Variants in MYO1B observed in about 807,000 individuals in gnomAD.
MYO1B encodes unconventional myosin-Ib.
MYO1B carries 72 observed loss-of-function variants against 159.7 expected under a neutral mutation model. That is an observed-to-expected ratio of 0.45 (90% CI 0.37 to 0.55). The LOEUF is 0.55. Ranked by LOEUF, MYO1B falls within the 20% of genes least tolerant of loss-of-function variation. The pLI is 0.00. For synonymous variants in MYO1B, 468 were observed against 473.8 expected (o/e 0.99, Z 0.16); for missense variants, 1,062 against 1,364.8 (o/e 0.78, Z 3.50).
intron 1 of MYO1B, among the ~76,000 whole-genome samples, chr2:191,269,367 T>A (rs1399186972): frequency 6.6e-6 from 1 of 152,252 alleles, no homozygotes; most frequent in Non-Finnish European, 1.5e-5. Context: ...CCATTTTGTG[T>A]ATGTACCATA....
chr2:191,421,843 C>A (rs181473527), intron 30 of MYO1B, among the ~76,000 whole-genome samples: 1 of 152,266 alleles, frequency 6.6e-6, no homozygotes, highest in East Asian at 1.9e-4. Flanking sequence ...TTTCAATAAA[C>A]CTGAAAGATT....
At chr2:191,259,551 G>A (rs4853566) in intron 1 of MYO1B, among the ~76,000 whole-genome samples, 151,831 of 152,346 alleles carry the variant, frequency 1, 75,660 homozygotes, top group Non-Finnish European at 1. Context: ...ATTTTCTGCA[G>A]CATCCCTTTA....
In MYO1B at chr2:191,424,485, T is replaced by C. The variant is rs1698123039; in HGVS notation, c.*525T>C. On this transcript the variant is annotated 3_prime_UTR_variant, in exon 31 of 31. Coordinates refer to ENST00000392318, the MANE Select transcript of MYO1B (RefSeq NM_001130158.3). The stretch of plus-strand genomic sequence containing the variant: ...AGACCAAAACAATAACTGTTAATGA[T>C]GGACAGCATTATTAGGAACCCTGTA... 2 of 152,630 alleles carry C rather than the reference T, an allele frequency of 1.3e-5. No homozygotes were observed. Among genetic ancestry groups the C allele is most frequent in the Non-Finnish European group, 2.9e-5 (2 of 68,370 alleles). The allele number at this position is 152,630 out of a possible 1,614,324, so 9.5% of individuals were successfully genotyped here.
At chr2:191,341,040 A>G (rs1025113274) in intron 4 of MYO1B, among the ~76,000 whole-genome samples, 2 of 152,106 alleles carry the variant, frequency 1.3e-5, no homozygotes, top group Non-Finnish European at 2.9e-5. Flanking sequence ...ACGACTTGGA[A>G]CTTGTGATTT....
At chr2:191,374,932 A>G (rs1277738780) in intron 13 of MYO1B, among the ~76,000 whole-genome samples, 1 of 152,248 alleles carries the variant, frequency 6.6e-6, no homozygotes, top group East Asian at 1.9e-4. Context: ...ATATTAAGTT[A>G]AAAAGTAAGT....
chr2:191,343,343 C>T (rs768645339), intron 5 of MYO1B, among the ~76,000 whole-genome samples: 25 of 152,304 alleles, frequency 1.6e-4, no homozygotes, highest in Admixed American at 4.6e-4. Context: ...TACTCAGGCT[C>T]AGCCTCTCCT....
At chr2:191,346,728 G>A (rs191530743) in intron 6 of MYO1B, among the ~76,000 whole-genome samples, 1 of 152,288 alleles carries the variant, frequency 6.6e-6, no homozygotes, top group East Asian at 1.9e-4. Flanking sequence ...CATAGGCTTG[G>A]CAACAAAAGC....
chr2:191,300,340 T>A (rs1186338276), intron 3 of MYO1B, among the ~76,000 whole-genome samples: 3 of 21,480 alleles, frequency 1.4e-4, no homozygotes, highest in East Asian at 2.0e-3. Context: ...TACTTGTCAA[T>A]TTTTTTTTTT....
chr2:191,408,060 A>G, intron 24 of MYO1B, 55 bp from the exon 25 acceptor site: 4 of 1,189,360 alleles, frequency 3.4e-6, no homozygotes, highest in Non-Finnish European at 5.0e-6. Context: ...GTGTATCATT[A>G]TGGACCTGTA....
chr2:191,249,500 C>T (rs890986772), intron 1 of MYO1B, among the ~76,000 whole-genome samples: 2 of 152,170 alleles, frequency 1.3e-5, no homozygotes, highest in East Asian at 1.9e-4. Flanking sequence ...CTAGTTTAGG[C>T]ATCTGCATGA....
At chr2:191,302,680 CCTT>C (rs1303380432) in intron 3 of MYO1B, among the ~76,000 whole-genome samples, 2 of 152,082 alleles carry the variant, frequency 1.3e-5, no homozygotes, top group African/African-American at 4.8e-5. Flanking sequence ...TGAGATGTGT[CCTT>C]CTTAAGTTAG....
chr2:191,425,238 A>G lies in MYO1B; in HGVS notation c.*1278A>G, dbSNP rs1574672031. ...TGTGTCAATGTATCATCTCTCAGAA[A>G]GGTTTTACAATCCAAACATTATATG... On this transcript the variant is annotated 3_prime_UTR_variant, in exon 31 of 31. Transcript: ENST00000392318. 6.6e-6 allele frequency: 1 copy of G among 152,274 alleles called. No individual in the cohort carries two copies. Among genetic ancestry groups the G allele is most frequent in the Middle Eastern group, 3.4e-3 (1 of 294 alleles). The allele number at this position is 152,274 out of a possible 1,614,324, so 9.4% of individuals were successfully genotyped here. A position where few individuals can be genotyped will look rare whatever the true frequency, so the allele number is the denominator to read the frequency against.
intron 21 of MYO1B, among the ~76,000 whole-genome samples, chr2:191,397,464 C>A (rs983895237): frequency 8.6e-5 from 13 of 152,002 alleles, no homozygotes; most frequent in African/African-American, 2.9e-4. Flanking sequence ...ATCCATTTAA[C>A]CCTGAGTGGA....
chr2:191,317,024 G>A (rs915654996), intron 3 of MYO1B, among the ~76,000 whole-genome samples: 5 of 152,214 alleles, frequency 3.3e-5, no homozygotes, highest in African/African-American at 1.2e-4. Context: ...AACACTGAAA[G>A]TAATCCTTCT....
intron 11 of MYO1B, among the ~76,000 whole-genome samples, chr2:191,364,947 G>C (rs146583122): frequency 6.6e-6 from 1 of 150,556 alleles, no homozygotes; most frequent in African/African-American, 2.5e-5. Flanking sequence ...ATTTGGAGAA[G>C]ACAGTGGGAG....
At chr2:191,365,111 A>T (rs979592978) in intron 11 of MYO1B, among the ~76,000 whole-genome samples, 5 of 152,174 alleles carry the variant, frequency 3.3e-5, no homozygotes, top group Non-Finnish European at 7.3e-5. Flanking sequence ...GGATGGTTGC[A>T]TGCCTGTATA....
chr2:191,256,960 C>G (rs996644930), intron 1 of MYO1B, among the ~76,000 whole-genome samples: 1 of 151,238 alleles, frequency 6.6e-6, no homozygotes. Context: ...TTTTTTTAAT[C>G]TGTCATTATT....
chr2:191,322,866 C>T (rs1559167946), intron 3 of MYO1B, among the ~76,000 whole-genome samples: 1 of 152,136 alleles, frequency 6.6e-6, no homozygotes, highest in Non-Finnish European at 1.5e-5. Context: ...AGTAAAGTGA[C>T]AAACAAGTTT....
At chr2:191,309,566 C>T (rs1431189295) in intron 3 of MYO1B, among the ~76,000 whole-genome samples, 3 of 152,184 alleles carry the variant, frequency 2.0e-5, no homozygotes, top group African/African-American at 7.2e-5. Flanking sequence ...GCCTGCATGG[C>T]TCCACTTGAT....
Sources: gnomAD v4.1 joint callset for allele counts (sites outside exome capture counted in the v4.1 genomes callset) on GRCh38, gnomAD v4.1.1 for gene constraint, MANE v1.5 for transcripts, NCBI Gene and HGNC (gene_info 2026-07-23, HGNC 2026-07-21) for gene names.